ZNF226: variants seen among roughly 807,000 people sequenced by gnomAD.
ZNF226 encodes zinc finger protein 226.
A neutral mutation model predicts 11.4 loss-of-function variants in ZNF226; 6 were observed. The observed-to-expected ratio is 0.53, with a 90% CI of 0.29 to 1.04. The LOEUF (loss-of-function observed/expected upper bound fraction) is 1.04. Among genes scored for constraint, ZNF226 ranks in the 50% least tolerant of loss-of-function variants. ZNF226 has a pLI of 0.08. For synonymous variants in ZNF226, 350 were observed against 322.8 expected (o/e 1.08, Z -0.90); for missense variants, 1,058 against 956.5 (o/e 1.11, Z -1.40).
chr19:44,190,309 T>G, the ZNF226 span, among the ~76,000 whole-genome samples: 1 of 152,114 alleles, frequency 6.6e-6, no homozygotes, highest in Admixed American at 6.6e-5. Context: ...AGTAGTAAAT[T>G]GAGCACAAAA....
rs755886751 is a variant in ZNF226, at chr19:44,177,511, C to G, written c.2249C>G (p.Thr750Ser). 27 of 1,614,024 alleles carry G rather than the reference C, an allele frequency of 1.7e-5. No homozygotes were observed. The East Asian group carries it at 5.6e-4, about 33-fold the overall frequency. ...CTACAGTCTCATCAGCGAGTTCACACTGGGGAGAAACCTTATAAATGTGAG... is the reference window on the plus strand; with the variant it reads ...CTACAGTCTCATCAGCGAGTTCACAGTGGGGAGAAACCTTATAAATGTGAG... ...SQLQSHQRVH[T>S]GEKPYKCEIC... The change falls in exon 6 of 6, where the codon ACT (threonine) becomes AGT (serine). Residue 750 changes from threonine to serine, a missense_variant. By Grantham distance (58) the Thr-to-Ser change is moderately conservative (BLOSUM62 1). Coordinates refer to ENST00000337433, the MANE Select transcript of ZNF226 (RefSeq NM_001032373.2).
intron 4 of ZNF226, 122 bp downstream of exon 4, chr19:44,172,336 A>C: frequency 7.6e-7 from 1 of 1,323,776 alleles, no homozygotes; most frequent in Non-Finnish European, 1.0e-6. Flanking sequence ...ATGCAGAGAC[A>C]CTGGATGTTT....
At chr19:44,197,906 C>T in the ZNF226 span, among the ~76,000 whole-genome samples, 1 of 152,036 alleles carries the variant, frequency 6.6e-6, no homozygotes, top group Non-Finnish European at 1.5e-5. Context: ...TTTAAAAAAT[C>T]GTTGCCAACA....
the ZNF226 span, among the ~76,000 whole-genome samples, chr19:44,191,343 A>C: frequency 6.6e-6 from 1 of 152,190 alleles, no homozygotes; most frequent in Non-Finnish European, 1.5e-5. Flanking sequence ...TTAGCATTTT[A>C]AGGTAACAAC....
chr19:44,191,242 A>G, the ZNF226 span, among the ~76,000 whole-genome samples: 3 of 152,200 alleles, frequency 2.0e-5, no homozygotes, highest in Non-Finnish European at 4.4e-5. Context: ...AAAAATCAAA[A>G]CTATGGATGT....
At chr19:44,187,584 A>G in the ZNF226 span, among the ~76,000 whole-genome samples, 20 of 151,868 alleles carry the variant, frequency 1.3e-4, no homozygotes, top group African/African-American at 4.6e-4. The surrounding 1 kb of genome is among the most constrained non-coding windows in gnomAD (Gnocchi z 4.0). Context: ...TTTTCAAAAC[A>G]GACTCTTAAT....
At chr19:44,166,051 C>G (rs1269753927) in intron 2 of ZNF226, among the ~76,000 whole-genome samples, 2 of 152,154 alleles carry the variant, frequency 1.3e-5, no homozygotes, top group Non-Finnish European at 2.9e-5. Context: ...TAGTAGGAGG[C>G]AGAGCTAGCA....
At chr19:44,190,390 G>A in the ZNF226 span, among the ~76,000 whole-genome samples, 1,767 of 152,188 alleles carry the variant, frequency 0.012, 32 homozygotes, top group African/African-American at 0.04. Context: ...CTGGAGTACA[G>A]TGGCGCGATC....
chr19:44,175,305 G>C, intron 5 of ZNF226, 193 bp from the exon 6 acceptor site: 1 of 1,405,310 alleles, frequency 7.1e-7, no homozygotes, highest in Non-Finnish European at 9.2e-7. Context: ...TTGGGAGCTT[G>C]GTGGACCATC....
the ZNF226 span, among the ~76,000 whole-genome samples, chr19:44,194,248 A>G: frequency 1.3e-5 from 2 of 152,080 alleles, no homozygotes; most frequent in Non-Finnish European, 2.9e-5. Context: ...TGACGTTCCT[A>G]GTGGCATTTA....
rs374936545 is a variant in ZNF226 at position 44,176,265 on chromosome 19, T to C, written c.1003T>C (p.Tyr335His). The C allele has an allele frequency of 6.2e-7, 1 of 1,614,166 alleles. No homozygotes were observed. The highest frequency in any genetic ancestry group is 2.2e-5 in the East Asian group (1 of 44,882). ...HQKVHVIEKP[Y>H]KCKQCGKGFS... ...GAAAGTCCACGTGATAGAGAAACCATACAAATGTAAGCAATGTGGGAAAGG... is the reference window on the plus strand; with the variant it reads ...GAAAGTCCACGTGATAGAGAAACCACACAAATGTAAGCAATGTGGGAAAGG... Residue 335 changes from tyrosine (Y) to histidine (H), a missense_variant, in exon 6 of 6, where the codon TAC becomes CAC. Coordinates refer to ENST00000337433, the MANE Select transcript of ZNF226 (RefSeq NM_001032373.2).
the ZNF226 span, among the ~76,000 whole-genome samples, chr19:44,198,612 A>T: frequency 1.9e-4 from 29 of 152,036 alleles, no homozygotes; most frequent in Admixed American, 1.9e-3. Context: ...GTAACCAAAG[A>T]CCCCTATTGT....
chr19:44,179,651 T>C (rs918950339), downstream of ZNF226, among the ~76,000 whole-genome samples: 1 of 152,348 alleles, frequency 6.6e-6, no homozygotes, highest in South Asian at 2.1e-4. Context: ...CTTGACAGAC[T>C]TACTCACTGG....
chr19:44,197,093 T>A, the ZNF226 span, among the ~76,000 whole-genome samples: 4 of 152,240 alleles, frequency 2.6e-5, no homozygotes, highest in Non-Finnish European at 1.5e-5. Context: ...CCCAACATTA[T>A]GTTTGTGAGA....
chr19:44,184,868 T>G, the ZNF226 span, among the ~76,000 whole-genome samples: 1 of 152,236 alleles, frequency 6.6e-6, no homozygotes, highest in African/African-American at 2.4e-5. Flanking sequence ...GCAACAGATC[T>G]ATAGAACTTT....
chr19:44,190,492 C>A, the ZNF226 span, among the ~76,000 whole-genome samples: 1 of 152,050 alleles, frequency 6.6e-6, no homozygotes, highest in African/African-American at 2.4e-5. Context: ...CGCCACCACG[C>A]CTGGCTAATT....
At chr19:44,172,566 A>G in intron 4 of ZNF226, 1 of 451,042 alleles carries the variant, frequency 2.2e-6, no homozygotes, top group East Asian at 4.0e-5. Flanking sequence ...AATGGCACAC[A>G]CTGCAGCAAA....
the ZNF226 span, among the ~76,000 whole-genome samples, chr19:44,197,367 G>C: frequency 6.6e-6 from 1 of 152,152 alleles, no homozygotes; most frequent in Admixed American, 6.5e-5. Context: ...TCTGCTCCAC[G>C]TGCTTGCCAA....
the ZNF226 span, among the ~76,000 whole-genome samples, chr19:44,197,751 T>C: frequency 3.3e-5 from 5 of 152,232 alleles, no homozygotes; most frequent in Non-Finnish European, 5.9e-5. Context: ...AGGATTTCTT[T>C]ATATTCTGCT....
Sources: gnomAD v4.1 joint callset for allele counts (sites outside exome capture counted in the v4.1 genomes callset) on GRCh38, gnomAD v4.1.1 for gene constraint, Gnocchi (gnomAD v3.1) non-coding constraint, MANE v1.5 for transcripts, NCBI Gene and HGNC (gene_info 2026-07-23, HGNC 2026-07-21) for gene names.